ANO3: variants seen among roughly 807,000 people sequenced by gnomAD.
ANO3 encodes the protein anoctamin-3.
ANO3 carries 99 observed loss-of-function variants against 144.8 expected under a neutral mutation model. The ratio of observed to expected loss-of-function variants is 0.68; its 90% CI spans 0.58 to 0.81. The LOEUF (loss-of-function observed/expected upper bound fraction) is 0.81, where lower values mean the gene tolerates loss of function less well. ANO3 is among the 30% of genes least tolerant of loss of function. The pLI is 0.00. For synonymous variants in ANO3, 414 were observed against 392.6 expected, an observed-to-expected ratio of 1.05 and a Z score of -0.64; for missense variants, 905 against 1,202.2, an observed-to-expected ratio of 0.75 and a Z score of 3.66.
chr11:26,645,486 G>A (rs904046325), intron 23 of ANO3, among the ~76,000 whole-genome samples: 4 of 151,656 alleles, frequency 2.6e-5, no homozygotes, highest in Admixed American at 6.6e-5. Flanking sequence ...AATACTGCAA[G>A]GTTATCCTTT....
At chr11:26,440,488 G>A (rs1288597103) in intron 1 of ANO3, among the ~76,000 whole-genome samples, 1 of 152,124 alleles carries the variant, frequency 6.6e-6, no homozygotes, top group Non-Finnish European at 1.5e-5. Flanking sequence ...AAACGAAAAT[G>A]ACAGTAATAA....
chr11:26,194,488 ATTATTTATTTAT>A (rs1196375918), intron 1 of ANO3, among the ~76,000 whole-genome samples: 152 of 23,482 alleles, frequency 6.5e-3, no homozygotes, highest in African/African-American at 0.021. Context: ...GTGTGTGTGT[ATTATTTATTTAT>A]TTATTTATTT....
intron 20 of ANO3, 100 bp downstream of exon 20, chr11:26,635,170 T>G: frequency 9.7e-7 from 1 of 1,030,626 alleles, no homozygotes; most frequent in East Asian, 2.4e-5. Context: ...CAGGGAACTT[T>G]ATGGATATTG....
chr11:26,590,527 G>A lies in ANO3; in HGVS notation c.1448-7838G>A, dbSNP rs769998447. Among the ~76,000 whole-genome samples the A allele has an allele frequency of 9.1e-4, 139 of 152,292 alleles. No homozygotes were observed. In the Middle Eastern group the frequency reaches 0.01, roughly 11 times the overall value. ...CTCCCAAGATGGCGGCAAGACTTTTGTTCTCTGACCTGGGGTTCTTGGCCT... is the reference window on the plus strand; with the variant it reads ...CTCCCAAGATGGCGGCAAGACTTTTATTCTCTGACCTGGGGTTCTTGGCCT... On this transcript the variant is annotated intron_variant, in intron 14 of 26. Transcript: ENST00000256737.
At chr11:26,519,647 T>C (rs1861991197) in intron 6 of ANO3, among the ~76,000 whole-genome samples, 1 of 152,172 alleles carries the variant, frequency 6.6e-6, no homozygotes, top group Non-Finnish European at 1.5e-5. Context: ...GCTAGCTCTC[T>C]GCTCTCTCCT....
upstream of ANO3, chr11:26,332,096 T>A (rs1531394): frequency 0.41 from 607,028 of 1,468,950 alleles, 130,099 homozygotes; most frequent in Admixed American, 0.54. Context: ...CCTCCCGCGT[T>A]CCCATGACAA....
At chr11:26,592,966 A>G (rs1236089859) in intron 14 of ANO3, among the ~76,000 whole-genome samples, 2 of 152,030 alleles carry the variant, frequency 1.3e-5, no homozygotes, top group Admixed American at 6.5e-5. Context: ...GGGTCCTTCT[A>G]TAAGCATTTC....
intron 4 of ANO3, among the ~76,000 whole-genome samples, chr11:26,484,021 G>A (rs1860337955): frequency 6.6e-6 from 1 of 152,158 alleles, no homozygotes; most frequent in East Asian, 1.9e-4. Context: ...TAGAGATCTG[G>A]AAATTTGAAC....
At chr11:26,655,735 A>C (rs1003531842) in intron 24 of ANO3, among the ~76,000 whole-genome samples, 1 of 152,186 alleles carries the variant, frequency 6.6e-6, no homozygotes, top group Admixed American at 6.5e-5. Context: ...ATGTTTAATA[A>C]GTTAAGTAAA....
At chr11:26,624,422 G>A (rs1209211841) in intron 17 of ANO3, 40 bp from the exon 18 acceptor site, 2 of 1,470,538 alleles carry the variant, frequency 1.4e-6, no homozygotes, top group Admixed American at 1.8e-5. Context: ...TTTTCCAAAA[G>A]AGAGGAATAA....
chr11:26,544,373 G>T (rs926298981), intron 11 of ANO3, among the ~76,000 whole-genome samples: 1 of 149,494 alleles, frequency 6.7e-6, no homozygotes, highest in Non-Finnish European at 1.5e-5. Context: ...TGTATGGGTA[G>T]AATCTAAAAA....
chr11:26,573,140 T>A (rs1025521063), intron 14 of ANO3, among the ~76,000 whole-genome samples: 2 of 152,008 alleles, frequency 1.3e-5, no homozygotes, highest in African/African-American at 4.8e-5. Flanking sequence ...AGGAGATAGG[T>A]TTTCAACTGC....
chr11:26,217,774 T>C (rs575446445), intron 1 of ANO3, among the ~76,000 whole-genome samples: 1 of 152,202 alleles, frequency 6.6e-6, no homozygotes, highest in South Asian at 2.1e-4. Flanking sequence ...TTAAACATTT[T>C]AAATTTAAAC....
At chr11:26,463,298 G>C in intron 4 of ANO3, 150 bp downstream of exon 4, 1 of 449,376 alleles carries the variant, frequency 2.2e-6, no homozygotes, top group Non-Finnish European at 4.0e-6. Context: ...GCAAAAAGTT[G>C]TATATAGAGT....
intron 4 of ANO3, among the ~76,000 whole-genome samples, chr11:26,495,585 C>A (rs776969630): frequency 2.0e-5 from 3 of 152,182 alleles, no homozygotes; most frequent in Non-Finnish European, 4.4e-5. Context: ...ATAGGGTCAT[C>A]TCATTTATGA....
At chr11:26,296,161 T>A (rs1174262154) in intron 1 of ANO3, among the ~76,000 whole-genome samples, 1 of 152,250 alleles carries the variant, frequency 6.6e-6, no homozygotes, top group East Asian at 1.9e-4. Context: ...GTGTTGGCAA[T>A]TGATCTTATG....
intron 17 of ANO3, among the ~76,000 whole-genome samples, chr11:26,601,215 G>A (rs1468271590): frequency 6.6e-6 from 1 of 152,132 alleles, no homozygotes; most frequent in Non-Finnish European, 1.5e-5. Context: ...TAAGTAATAA[G>A]GTTGGTATTA....
intron 1 of ANO3, among the ~76,000 whole-genome samples, chr11:26,274,833 T>TCC: frequency 6.6e-6 from 1 of 152,192 alleles, no homozygotes; most frequent in African/African-American, 2.4e-5. Flanking sequence ...TTATACCTAC[T>TCC]CTTCTTCAAC....
upstream of ANO3, among the ~76,000 whole-genome samples, chr11:26,330,021 A>C (rs1854996598): frequency 6.6e-6 from 1 of 152,160 alleles, no homozygotes; most frequent in Admixed American, 6.5e-5. Context: ...CAGGGATTGA[A>C]TTAAAGTTTA....
Sources: allele counts gnomAD v4.1 joint callset (sites outside exome capture counted in the v4.1 genomes callset), GRCh38; gene constraint gnomAD v4.1.1; transcripts MANE v1.5; gene names NCBI Gene and HGNC (gene_info 2026-07-23, HGNC 2026-07-21).